Variants in BEAN1 observed in about 807,000 individuals in gnomAD.
BEAN1 encodes protein BEAN1.
Under a neutral mutation model 17.7 loss-of-function variants are expected in BEAN1, and 17 were observed. The ratio of observed to expected loss-of-function variants is 0.96; its 90% CI spans 0.66 to 1.44. The LOEUF (loss-of-function observed/expected upper bound fraction) is 1.44. BEAN1 is among the 40% of genes most tolerant of loss of function. BEAN1 has a pLI of 0.00. For synonymous variants in BEAN1, 142 were observed against 151.8 expected, an observed-to-expected ratio of 0.94 and a Z score of 0.47; for missense variants, 359 against 374.1, an observed-to-expected ratio of 0.96 and a Z score of 0.33.
intron 2 of BEAN1, among the ~76,000 whole-genome samples, chr16:66,456,799 T>G (rs1434215356): frequency 6.6e-6 from 1 of 152,240 alleles, no homozygotes; most frequent in Non-Finnish European, 1.5e-5. Flanking sequence ...GGTGGTAAAC[T>G]TAAGGAAGTT....
intron 1 of BEAN1, among the ~76,000 whole-genome samples, chr16:66,433,528 T>A (rs1033891150): frequency 5.3e-5 from 8 of 152,120 alleles, no homozygotes; most frequent in African/African-American, 1.9e-4. Flanking sequence ...GCTCCCTGCC[T>A]CCTGTTTCCC....
Position 66,436,266 on chromosome 16 carries a change from CTTTTTTTT to C in BEAN1, c.-82-1317_-82-1310del, listed in dbSNP as rs560577711. The stretch of plus-strand genomic sequence containing the variant: ...GAGAATGGGCTACTTTTTTTCTTTT[CTTTTTTTT>C]TTTTTTTTTTTGAGACAGAGTCTCG... On this transcript the variant is annotated intron_variant, in intron 1 of 4. Coordinates refer to ENST00000536005, the MANE Select transcript of BEAN1 (RefSeq NM_001178020.3). 6.6e-5 allele frequency among the ~76,000 whole-genome samples: 8 copies of C among 120,608 alleles called. 1 individual carries two copies. The Middle Eastern group carries it at 0.03, about 448-fold the overall frequency. 79.1% of individuals were successfully genotyped at this position (120,608 alleles called of 152,430 possible).
chr16:66,455,217 A>G (rs1597007596), intron 2 of BEAN1, among the ~76,000 whole-genome samples: 1 of 152,170 alleles, frequency 6.6e-6, no homozygotes, highest in African/African-American at 2.4e-5. Flanking sequence ...GCTCTTAAAC[A>G]CTGCATTTAC....
chr16:66,437,468 G>T, intron 1 of BEAN1, 127 bp from the exon 2 acceptor site: 2 of 587,434 alleles, frequency 3.4e-6, no homozygotes, highest in South Asian at 4.5e-5. Context: ...GACTAGGCAC[G>T]TGCTCTCAAA....
intron 2 of BEAN1, among the ~76,000 whole-genome samples, chr16:66,459,446 A>G (rs1358154064): frequency 6.6e-6 from 1 of 151,898 alleles, no homozygotes; most frequent in Non-Finnish European, 1.5e-5. Flanking sequence ...CAGCTTCCCG[A>G]GTAGCTGGGA....
intron 2 of BEAN1, among the ~76,000 whole-genome samples, chr16:66,457,508 A>C (rs545916984): frequency 3.3e-5 from 5 of 152,294 alleles, no homozygotes; most frequent in South Asian, 2.1e-4. Context: ...TCATTGTAAA[A>C]AGTAGTCTGA....
downstream of BEAN1, chr16:66,484,177 A>C: frequency 4.8e-6 from 1 of 207,610 alleles, no homozygotes; most frequent in South Asian, 7.5e-5. The surrounding 1 kb of genome is among the most constrained non-coding windows in gnomAD (Gnocchi z 4.2). Context: ...CTGTAAGCAA[A>C]ATAATCATTT....
At chr16:66,472,029 C>A (rs1226419705) in intron 3 of BEAN1, among the ~76,000 whole-genome samples, 1 of 152,218 alleles carries the variant, frequency 6.6e-6, no homozygotes, top group Non-Finnish European at 1.5e-5. Context: ...TTCCAGTCCC[C>A]TGTCCATGCT....
chr16:66,479,972 G>A (rs545540766), intron 4 of BEAN1, among the ~76,000 whole-genome samples: 96 of 152,250 alleles, frequency 6.3e-4, no homozygotes, highest in African/African-American at 2.2e-3. Context: ...ATCAGTACTC[G>A]AAGAGGGAAA....
intron 2 of BEAN1, among the ~76,000 whole-genome samples, chr16:66,455,150 G>C (rs536525028): frequency 6.6e-6 from 1 of 152,282 alleles, no homozygotes; most frequent in African/African-American, 2.4e-5. Flanking sequence ...CTCTTTTACA[G>C]ATGAGGAAGC....
intron 2 of BEAN1, among the ~76,000 whole-genome samples, chr16:66,445,460 A>G (rs1962410943): frequency 8.3e-6 from 1 of 120,500 alleles, no homozygotes; most frequent in Non-Finnish European, 1.6e-5. Context: ...TGGGCAAGAG[A>G]GTGAGACTCC....
At chr16:66,444,949 G>T (rs1000823163) in intron 2 of BEAN1, among the ~76,000 whole-genome samples, 1 of 152,154 alleles carries the variant, frequency 6.6e-6, no homozygotes, top group African/African-American at 2.4e-5. Flanking sequence ...TGTAAACTGT[G>T]GACAGTCATC....
rs558181483 is a variant in BEAN1 at position 66,477,675 on chromosome 16, G to A, written c.405G>A (p.Thr135=). 11 of 1,550,270 alleles carry A rather than the reference G, an allele frequency of 7.1e-6. No individual in the cohort carries two copies. The highest frequency in any genetic ancestry group is 2.4e-5 in the South Asian group (2 of 83,840). ...GCTCTGACGGGGACGTGGATGCCAC[G>A]GTGCTCAGGGAGCTGTACCCAGATT... is the stretch of plus-strand genomic sequence containing the variant. ...DISSDGDVDA[T]VLRELYPDSP... The change falls in exon 4 of 5, where the codon ACG becomes ACA. Residue 135 remains threonine, a synonymous_variant. Coordinates refer to ENST00000536005, the MANE Select transcript of BEAN1 (RefSeq NM_001178020.3).
rs2142438546 is a variant in BEAN1, at chr16:66,471,788, G to T, written c.289+1923G>T. On this transcript the variant is annotated intron_variant, in intron 3 of 4. Coordinates refer to ENST00000536005, the MANE Select transcript of BEAN1 (RefSeq NM_001178020.3). The surrounding 1 kb of genome is among the most constrained non-coding windows in gnomAD (Gnocchi z 4.7). ...TCTGCAAGTCTCCCCAGAAGCCAGG[G>T]ACTCCCCAAGGAGACAAGCCAGAAG... 6.6e-6 allele frequency among the ~76,000 whole-genome samples: 1 copy of T among 152,306 alleles called. No individual in the cohort carries two copies. The highest frequency in any genetic ancestry group is 2.4e-5 in the African/African-American group (1 of 41,580).
At chr16:66,428,649 GAGGA>G (rs1290188486) in intron 1 of BEAN1, among the ~76,000 whole-genome samples, 1 of 152,122 alleles carries the variant, frequency 6.6e-6, no homozygotes, top group African/African-American at 2.4e-5. Context: ...GGTGAGTTGG[GAGGA>G]TTAAATGAGA....
downstream of BEAN1, among the ~76,000 whole-genome samples, chr16:66,486,664 A>T (rs1964093565): frequency 1.3e-5 from 2 of 152,164 alleles, no homozygotes. Context: ...AGGGTGGAAG[A>T]GGAGGAGCCA....
At position 66,438,239 on chromosome 16, in the gene BEAN1, C is replaced by T. The variant is rs571235853; in HGVS notation, c.25+538C>T. The stretch of plus-strand genomic sequence containing the variant: ...TCTCTACTAAAAATACAAACATTAG[C>T]TGGGCATGGTGGTGGGCGCCTGTAA... On this transcript the variant is annotated intron_variant, in intron 2 of 4. Transcript: ENST00000536005. Among the ~76,000 whole-genome samples the T allele has an allele frequency of 2.5e-3, 374 of 152,150 alleles. 1 individual carries two copies. The highest frequency in any genetic ancestry group is 8.7e-3 in the African/African-American group (362 of 41,486).
rs1964014370 is a variant in BEAN1, at chr16:66,482,444, T to G, written c.*1519T>G. 1 of 165,240 alleles carries G rather than the reference T, an allele frequency of 6.1e-6. No homozygotes were observed. 10.2% of individuals were successfully genotyped at this position (165,240 alleles called of 1,614,324 possible). On this transcript the variant is annotated 3_prime_UTR_variant, in exon 5 of 5. Transcript: ENST00000536005. Reference sequence around the variant, plus strand: ...TCTTCTGGTGCGGAGCTGAAAGGAATCCACCCAGAAGTTCTGTAGCATCCT... The same window carrying G: ...TCTTCTGGTGCGGAGCTGAAAGGAAGCCACCCAGAAGTTCTGTAGCATCCT...
rs899828082 is a variant in BEAN1 at position 66,492,909 on chromosome 16, G to A, written c.148-53G>A. 3.2e-5 allele frequency: 21 copies of A among 660,086 alleles called. No individual in the cohort carries two copies. In the South Asian group the frequency reaches 3.5e-4, roughly 11 times the overall value. The allele number at this position is 660,086 out of a possible 1,614,324, so 40.9% of individuals were successfully genotyped here. A position where few individuals can be genotyped will look rare whatever the true frequency, so the allele number is the denominator to read the frequency against. On this transcript the variant is annotated intron_variant, in intron 4 of 4. Transcript: ENST00000561796. ...GTCCTGCCTGGCCTGGCCCCTCTCAGCCACTCTGCTGAGGCCTGTCCCACT... is the reference window on the plus strand; with the variant it reads ...GTCCTGCCTGGCCTGGCCCCTCTCAACCACTCTGCTGAGGCCTGTCCCACT...
Sources: allele counts gnomAD v4.1 joint callset (sites outside exome capture counted in the v4.1 genomes callset), GRCh38; gene constraint gnomAD v4.1.1; non-coding constraint Gnocchi (gnomAD v3.1); transcripts MANE v1.5; gene names NCBI Gene and HGNC (gene_info 2026-07-23, HGNC 2026-07-21).